The following ALG14 variants were observed in gnomAD, a reference collection of about 807,000 sequenced individuals.
ALG14 encodes UDP-N-acetylglucosamine transferase subunit ALG14.
In ALG14, 17 loss-of-function variants were observed where a neutral mutation model predicts 22.8. The observed-to-expected ratio is 0.75, with a 90% CI of 0.51 to 1.12. The LOEUF (loss-of-function observed/expected upper bound fraction) is 1.12. Ranked by LOEUF, ALG14 falls within the 50% of genes most tolerant of loss-of-function variation. The pLI is 0.00. For missense variants in ALG14, 288 were observed against 271.8 expected (o/e 1.06, Z -0.42); for synonymous variants, 89 against 103.7 (o/e 0.86, Z 0.86).
chr1:95,055,828 TAAAAAAAAAAA>T (rs35131311), intron 2 of ALG14, among the ~76,000 whole-genome samples: 69 of 33,058 alleles, frequency 2.1e-3, no homozygotes, highest in African/African-American at 6.8e-3. Flanking sequence ...CCGTCTCTAC[TAAAAAAAAAAA>T]AAAAAAAAAA....
In ALG14 at chr1:94,974,565, C is replaced by T. The variant is rs983156542; in HGVS notation, c.*8511G>A. The T allele has an allele frequency of 2.0e-5, 3 of 152,008 alleles. No homozygotes were observed. Among genetic ancestry groups the T allele is most frequent in the African/African-American group, 7.2e-5 (3 of 41,384 alleles). 9.4% of individuals were successfully genotyped at this position (152,008 alleles called of 1,614,324 possible). On this transcript the variant is annotated 3_prime_UTR_variant, in exon 4 of 4. Coordinates refer to ENST00000370205, the MANE Select transcript of ALG14 (RefSeq NM_144988.4). ...TTTCTTTTTCACTGCTGCATGCAGGCCAAGGAGAAAGGAGGAAAAAAAATC... is the reference window on the plus strand; with the variant it reads ...TTTCTTTTTCACTGCTGCATGCAGGTCAAGGAGAAAGGAGGAAAAAAAATC...
intron 2 of ALG14, among the ~76,000 whole-genome samples, chr1:95,060,069 T>G (rs983392136): frequency 1.1e-4 from 16 of 151,632 alleles, no homozygotes; most frequent in African/African-American, 3.9e-4. Context: ...GGCAGGAAGG[T>G]GTCTGTCTCT....
chr1:95,031,763 T>G (rs184699487), intron 2 of ALG14, among the ~76,000 whole-genome samples: 12 of 152,284 alleles, frequency 7.9e-5, no homozygotes, highest in Admixed American at 2.0e-4. Context: ...ACTTATTTAT[T>G]TATGTATTGC....
At position 94,979,805 on chromosome 1, in the gene ALG14, CA is replaced by C. The variant is rs1672465570; in HGVS notation, c.*3270del. 1 of 152,100 alleles carries C rather than the reference CA, an allele frequency of 6.6e-6. No homozygotes were observed. Among genetic ancestry groups the C allele is most frequent in the Non-Finnish European group, 1.5e-5 (1 of 68,028 alleles). 9.4% of individuals were successfully genotyped at this position (152,100 alleles called of 1,614,324 possible). On this transcript the variant is annotated 3_prime_UTR_variant, in exon 4 of 4. Transcript: ENST00000370205. Reference sequence around the variant, plus strand: ...TTAAAATGAGTGGGCAGCAGGAACACAGTTGTAGATGATTTGTTTTTAGAGT... The same window carrying C: ...TTAAAATGAGTGGGCAGCAGGAACACGTTGTAGATGATTTGTTTTTAGAGT...
At chr1:95,012,911 T>C (rs1309786297) in intron 3 of ALG14, among the ~76,000 whole-genome samples, 2 of 152,084 alleles carry the variant, frequency 1.3e-5, no homozygotes, top group Non-Finnish European at 2.9e-5. Flanking sequence ...TGAGGGCGAA[T>C]CACCTGAGGT....
intron 3 of ALG14, among the ~76,000 whole-genome samples, chr1:95,025,152 A>G (rs1673774694): frequency 6.6e-6 from 1 of 152,210 alleles, no homozygotes; most frequent in South Asian, 2.1e-4. Flanking sequence ...ATCTCCTTGT[A>G]TATCTCCATC....
intron 2 of ALG14, among the ~76,000 whole-genome samples, chr1:95,045,281 G>A (rs369332314): frequency 5.3e-5 from 8 of 151,562 alleles, no homozygotes; most frequent in South Asian, 2.1e-4. Context: ...CTCTTATTTC[G>A]ACTTAGGTGG....
chr1:94,981,689 T>TATTTTTTA lies in ALG14; in HGVS notation c.*1386_*1387insTAAAAAAT, dbSNP rs1557935410. The TATTTTTTA allele has an allele frequency of 6.6e-6, 1 of 150,784 alleles. No homozygotes were observed. The highest frequency in any genetic ancestry group is 2.4e-5 in the African/African-American group (1 of 41,196). The allele number at this position is 150,784 out of a possible 1,614,324, so 9.3% of individuals were successfully genotyped here. On this transcript the variant is annotated 3_prime_UTR_variant, in exon 4 of 4. Coordinates refer to ENST00000370205, the MANE Select transcript of ALG14 (RefSeq NM_144988.4). ...CTGTTTTTTATTTTGTTTTGTTTTT[T>TATTTTTTA]TTTTTTTTGGCTGCTTTGTTAAAGA...
At chr1:95,041,242 T>G (rs1168852061) in intron 2 of ALG14, among the ~76,000 whole-genome samples, 1 of 152,198 alleles carries the variant, frequency 6.6e-6, no homozygotes, top group Non-Finnish European at 1.5e-5. Context: ...AAGGTCCATA[T>G]GAATGAGGAA....
chr1:95,040,430 TC>T (rs1280010906), intron 2 of ALG14, among the ~76,000 whole-genome samples: 3 of 152,182 alleles, frequency 2.0e-5, no homozygotes, highest in Non-Finnish European at 4.4e-5. Context: ...CCCTTTTACT[TC>T]CTTGCCATGC....
At chr1:95,050,226 T>C (rs919726264) in intron 2 of ALG14, among the ~76,000 whole-genome samples, 4 of 152,198 alleles carry the variant, frequency 2.6e-5, no homozygotes, top group Admixed American at 2.6e-4. Flanking sequence ...GATCCAGATT[T>C]TCTGGTTCAC....
intron 3 of ALG14, among the ~76,000 whole-genome samples, chr1:94,983,965 C>T (rs1481983801): frequency 6.6e-6 from 1 of 151,806 alleles, no homozygotes; most frequent in African/African-American, 2.4e-5. Flanking sequence ...AGGATGGTCT[C>T]GATCTCCTGA....
At chr1:95,040,847 AC>A (rs1674356262) in intron 2 of ALG14, among the ~76,000 whole-genome samples, 1 of 152,242 alleles carries the variant, frequency 6.6e-6, no homozygotes, top group African/African-American at 2.4e-5. Context: ...TACAAATTTA[AC>A]TGGCACTGGG....
At chr1:95,047,359 T>A (rs1233568664) in intron 2 of ALG14, among the ~76,000 whole-genome samples, 2 of 152,146 alleles carry the variant, frequency 1.3e-5, no homozygotes, top group African/African-American at 2.4e-5. Context: ...TTTATTTTTT[T>A]TTAGATGGAG....
At chr1:95,061,958 A>T (rs1421235250) in intron 2 of ALG14, 2 of 150,980 alleles carry the variant, frequency 1.3e-5, no homozygotes, top group African/African-American at 4.8e-5. Flanking sequence ...TTCCTTCCTT[A>T]ATTAAGAAGT....
At chr1:95,063,714 A>T (rs967074493) in intron 2 of ALG14, among the ~76,000 whole-genome samples, 1 of 152,106 alleles carries the variant, frequency 6.6e-6, no homozygotes, top group African/African-American at 2.4e-5. Context: ...GTCAGGTAGC[A>T]TGATGCCTCC....
At chr1:95,026,855 A>G (rs1673834934) in intron 3 of ALG14, among the ~76,000 whole-genome samples, 1 of 152,146 alleles carries the variant, frequency 6.6e-6, no homozygotes, top group Admixed American at 6.5e-5. Context: ...GTGCTTTGTG[A>G]TAAAAGTCAC....
At position 94,981,682 on chromosome 1, in the gene ALG14, T is replaced by TTATTTTTTA. The variant is rs1557935389; in HGVS notation, c.*1393_*1394insTAAAAAATA. On this transcript the variant is annotated 3_prime_UTR_variant, in exon 4 of 4. Transcript: ENST00000370205. ...CTCTTTTCTGTTTTTTATTTTGTTTTGTTTTTTTTTTTTTTGGCTGCTTTG... is the reference window on the plus strand; with the variant it reads ...CTCTTTTCTGTTTTTTATTTTGTTTTTATTTTTTAGTTTTTTTTTTTTTTGGCTGCTTTG... 1.3e-4 allele frequency: 18 copies of TTATTTTTTA among 139,634 alleles called. No individual in the cohort carries two copies. The highest frequency in any genetic ancestry group is 4.3e-4 in the African/African-American group (17 of 39,954). The allele number at this position is 139,634 out of a possible 1,614,324, so 8.6% of individuals were successfully genotyped here.
chr1:94,999,738 G>A (rs1166406843), intron 3 of ALG14, among the ~76,000 whole-genome samples: 1 of 152,128 alleles, frequency 6.6e-6, no homozygotes, highest in African/African-American at 2.4e-5. Context: ...AAGGACCTCT[G>A]GCAGCACTGC....
Sources: gnomAD v4.1 joint callset for allele counts (sites outside exome capture counted in the v4.1 genomes callset) on GRCh38, gnomAD v4.1.1 for gene constraint, MANE v1.5 for transcripts, NCBI Gene and HGNC (gene_info 2026-07-23, HGNC 2026-07-21) for gene names.